Variants in AUTS2 observed in about 807,000 individuals in gnomAD.
The protein encoded by AUTS2 is activator of transcription and developmental regulator AUTS2, also known as autism susceptibility gene 2 protein.
In AUTS2, 17 loss-of-function variants were observed where a neutral mutation model predicts 112.4. The observed-to-expected ratio is 0.15, with a 90% confidence interval of 0.10 to 0.23. The LOEUF is 0.23. AUTS2 is among the 10% of genes least tolerant of loss of function. The pLI is 1.00. For missense variants in AUTS2, 1,510 were observed against 1,701.6 expected, an observed-to-expected ratio of 0.89 and a Z score of 1.98; for synonymous variants, 751 against 702.7, an observed-to-expected ratio of 1.07 and a Z score of -1.09.
intron 1 of AUTS2, among the ~76,000 whole-genome samples, chr7:69,833,963 A>T (rs946876155): frequency 6.6e-6 from 1 of 152,184 alleles, no homozygotes; most frequent in Non-Finnish European, 1.5e-5. Context: ...ACCCTCTGGG[A>T]TTGGGCACCA....
chr7:70,303,135 C>A (rs942771272), intron 4 of AUTS2, among the ~76,000 whole-genome samples: 1 of 152,122 alleles, frequency 6.6e-6, no homozygotes, highest in Non-Finnish European at 1.5e-5. Flanking sequence ...ATAAGACTCC[C>A]AGAGCAAAAG....
intron 4 of AUTS2, among the ~76,000 whole-genome samples, chr7:70,278,603 A>ATACATACATACATACATACATACG (rs1788053681): frequency 6.6e-6 from 1 of 151,022 alleles, no homozygotes; most frequent in East Asian, 1.9e-4. Context: ...ACATACATAC[A>ATACATACATACATACATACATACG]TACATACATA....
At chr7:70,311,376 C>G (rs899842213) in intron 4 of AUTS2, among the ~76,000 whole-genome samples, 15 of 152,144 alleles carry the variant, frequency 9.9e-5, no homozygotes, top group African/African-American at 3.6e-4. Flanking sequence ...TTTCTCCATT[C>G]TTGTCTCCCA....
chr7:69,669,574 G>A (rs1796220213), intron 1 of AUTS2, among the ~76,000 whole-genome samples: 1 of 151,896 alleles, frequency 6.6e-6, no homozygotes, highest in South Asian at 2.1e-4. Flanking sequence ...TATTTATCTT[G>A]TAGGTATTTA....
intron 4 of AUTS2, among the ~76,000 whole-genome samples, chr7:70,402,057 T>G (rs1005044366): frequency 1.3e-5 from 2 of 152,256 alleles, no homozygotes; most frequent in Admixed American, 6.5e-5. Context: ...TATAGTGCTT[T>G]GGGGTCCTTG....
chr7:70,023,428 G>A (rs1002801232), intron 2 of AUTS2, among the ~76,000 whole-genome samples: 3 of 152,126 alleles, frequency 2.0e-5, no homozygotes, highest in Non-Finnish European at 4.4e-5. Flanking sequence ...TGTGCTGAGC[G>A]GATGGTATAT....
intron 4 of AUTS2, among the ~76,000 whole-genome samples, chr7:70,207,760 C>G (rs1198005440): frequency 6.6e-6 from 1 of 152,020 alleles, no homozygotes; most frequent in East Asian, 1.9e-4. Flanking sequence ...GCCTGTATTC[C>G]CAGCACTTTG....
intron 3 of AUTS2, chr7:70,120,177 C>G (rs1275993990): frequency 1.3e-5 from 2 of 152,086 alleles, no homozygotes; most frequent in African/African-American, 2.4e-5. Flanking sequence ...GATACAATCA[C>G]ATTTCTGCAC....
At chr7:69,884,443 A>T (rs1423992986) in intron 1 of AUTS2, among the ~76,000 whole-genome samples, 1 of 152,240 alleles carries the variant, frequency 6.6e-6, no homozygotes, top group Non-Finnish European at 1.5e-5. Context: ...GCTATCAGAG[A>T]ACATTTAATT....
At chr7:70,139,365 G>A (rs942205959) in intron 4 of AUTS2, among the ~76,000 whole-genome samples, 1 of 152,126 alleles carries the variant, frequency 6.6e-6, no homozygotes, top group African/African-American at 2.4e-5. Context: ...GGTGCTTGCG[G>A]CTGCAACATT....
At chr7:69,993,737 C>CTCTCTG (rs368022499) in intron 2 of AUTS2, among the ~76,000 whole-genome samples, 35 of 152,154 alleles carry the variant, frequency 2.3e-4, no homozygotes, top group African/African-American at 6.7e-4. Context: ...GTCTTCCTGT[C>CTCTCTG]TCTCTGTCTC....
At chr7:69,961,611 A>G (rs1046920052) in intron 2 of AUTS2, among the ~76,000 whole-genome samples, 1 of 152,118 alleles carries the variant, frequency 6.6e-6, no homozygotes, top group African/African-American at 2.4e-5. Context: ...ACAGATTCCA[A>G]TGTGGGTTCT....
At chr7:70,152,090 A>G (rs1807472689) in intron 4 of AUTS2, among the ~76,000 whole-genome samples, 1 of 152,214 alleles carries the variant, frequency 6.6e-6, no homozygotes, top group East Asian at 1.9e-4. Flanking sequence ...TTGCAGGAGA[A>G]AAGATTAGTT....
Position 70,196,391 on chromosome 7 carries a change from C to T in AUTS2, c.660+61820C>T, listed in dbSNP as rs138810301. ...CCTTCTTTTAGCATAAAAGCTATAC[C>T]GAATAAAATAGAAGGGAATTTCTTG... On this transcript the variant is annotated intron_variant, in intron 4 of 18. Transcript: ENST00000342771. Among the ~76,000 whole-genome samples, 638 of 152,132 alleles carry T rather than the reference C, an allele frequency of 4.2e-3. 8 individuals carry two copies. Among genetic ancestry groups the T allele is most frequent in the African/African-American group, 0.014 (591 of 41,492 alleles).
chr7:70,761,084 A>G (rs555801321), intron 6 of AUTS2, among the ~76,000 whole-genome samples: 7 of 152,340 alleles, frequency 4.6e-5, no homozygotes, highest in African/African-American at 1.7e-4. Context: ...GAAAATAATG[A>G]ATTGCTTTGA....
At chr7:69,846,577 C>T (rs1792211364) in intron 1 of AUTS2, among the ~76,000 whole-genome samples, 1 of 152,166 alleles carries the variant, frequency 6.6e-6, no homozygotes, top group African/African-American at 2.4e-5. Flanking sequence ...CAGCAACTTT[C>T]TTCCCCTTTT....
chr7:69,781,193 C>T (rs750473226), intron 1 of AUTS2, among the ~76,000 whole-genome samples: 19 of 152,190 alleles, frequency 1.2e-4, no homozygotes, highest in Non-Finnish European at 2.4e-4. Flanking sequence ...AAATTTCAGA[C>T]GTTGTCTCCA....
chr7:70,154,532 GT>G (rs994577720), intron 4 of AUTS2, among the ~76,000 whole-genome samples: 1 of 151,636 alleles, frequency 6.6e-6, no homozygotes, highest in South Asian at 2.1e-4. Context: ...AACAAGGTTA[GT>G]TTTTTTTTAA....
intron 5 of AUTS2, among the ~76,000 whole-genome samples, chr7:70,672,360 G>A (rs983649083): frequency 4.6e-5 from 7 of 152,202 alleles, no homozygotes; most frequent in African/African-American, 1.4e-4. Flanking sequence ...TGAGAAACAA[G>A]AGAATAATAA....
Sources: gnomAD v4.1 joint callset for allele counts (sites outside exome capture counted in the v4.1 genomes callset) on GRCh38, gnomAD v4.1.1 for gene constraint, MANE v1.5 for transcripts, NCBI Gene and HGNC (gene_info 2026-07-23, HGNC 2026-07-21) for gene names.